The following ITM2C variants were observed in gnomAD, a reference collection of about 807,000 sequenced individuals.
ITM2C encodes BRICHOS domain containing 2C.
Under a neutral mutation model 30.0 loss-of-function variants are expected in ITM2C, and 20 were observed. The ratio of observed to expected loss-of-function variants is 0.67; its 90% confidence interval spans 0.47 to 0.97. ITM2C has a LOEUF of 0.97. Among genes scored for constraint, ITM2C ranks in the 50% least tolerant of loss-of-function variants. The pLI is 0.00. For missense variants in ITM2C, 366 were observed against 371.9 expected, an observed-to-expected ratio of 0.98 and a Z score of 0.13; for synonymous variants, 167 against 156.4, an observed-to-expected ratio of 1.07 and a Z score of -0.51.
In ITM2C at chr2:230,877,013, T is replaced by C; in HGVS notation, c.561+46T>C. ...ATGTCTGCAGCATCCTGTCCCTCCCTTGCCCCCTGTCTCATGGAGGCTAGG... is the reference window on the plus strand; with the variant it reads ...ATGTCTGCAGCATCCTGTCCCTCCCCTGCCCCCTGTCTCATGGAGGCTAGG... On this transcript the variant is annotated intron_variant, in intron 4 of 5. Transcript: ENST00000326427. This position sits in a 1 kb window ranked among gnomAD's most constrained non-coding sequence, Gnocchi z 4.8. The C allele has an allele frequency of 7.7e-7, 1 of 1,299,576 alleles. No individual in the cohort carries two copies. The highest frequency in any genetic ancestry group is 1.1e-6 in the Non-Finnish European group (1 of 896,084). 80.5% of individuals were successfully genotyped at this position (1,299,576 alleles called of 1,614,324 possible).
chr2:230,876,583 A>G (rs10168033), intron 3 of ITM2C, among the ~76,000 whole-genome samples: 2,280 of 152,012 alleles, frequency 0.015, 54 homozygotes, highest in African/African-American at 0.052. Flanking sequence ...CTGGGTTCAC[A>G]CCATTCTCCC....
intron 1 of ITM2C, among the ~76,000 whole-genome samples, chr2:230,869,136 T>C (rs114072909): frequency 0.026 from 3,969 of 152,236 alleles, 181 homozygotes; most frequent in African/African-American, 0.09. Flanking sequence ...CGCCCCACTC[T>C]CTCCAAGTTC....
rs1218512899 is a variant in ITM2C at position 230,865,057 on chromosome 2, C to T, written c.32C>T (p.Ala11Val). The T allele has an allele frequency of 4.6e-6, 7 of 1,527,558 alleles. No homozygotes were observed. The highest frequency in any genetic ancestry group is 3.5e-6 in the Non-Finnish European group (4 of 1,132,362). The allele number at this position is 1,527,558 out of a possible 1,614,324, so 94.6% of individuals were successfully genotyped here. A position where few individuals can be genotyped will look rare whatever the true frequency, so the allele number is the denominator to read the frequency against. Reference protein sequence around the residue: MVKISFQPAVAGIKGDKADKA... With the variant: MVKISFQPAVVGIKGDKADKA... ...AAGATTAGCTTCCAGCCCGCCGTGG[C>T]TGGCATCAAGGGCGACAAGGCTGAC... The change falls in exon 1 of 6, where the codon GCT (alanine) becomes GTT (valine). Residue 11 changes from alanine to valine, a missense_variant. Transcript: ENST00000326427. This position sits in a 1 kb window ranked among gnomAD's most constrained non-coding sequence, Gnocchi z 6.8.
rs199763050 is a variant in ITM2C at position 230,878,148 on chromosome 2, C to T, written c.*49C>T. ...TGCCGTGTTCCTCTTTTCTTCTTTC[C>T]GGCTGCTCTCTGGCCCTCCTCCTTC... On this transcript the variant is annotated 3_prime_UTR_variant, in exon 6 of 6. Coordinates refer to ENST00000326427, the MANE Select transcript of ITM2C (RefSeq NM_030926.6). This position sits in a 1 kb window ranked among gnomAD's most constrained non-coding sequence, Gnocchi z 4.5. 158 of 1,384,052 alleles carry T rather than the reference C, an allele frequency of 1.1e-4. No individual in the cohort carries two copies. The African/African-American group carries it at 1.5e-3, about 13-fold the overall frequency. 85.7% of individuals were successfully genotyped at this position (1,384,052 alleles called of 1,614,324 possible). A position where few individuals can be genotyped will look rare whatever the true frequency, so the allele number is the denominator to read the frequency against.
intron 3 of ITM2C, 59 bp from the exon 4 acceptor site, chr2:230,876,798 C>A (rs1387958635): frequency 5.0e-6 from 6 of 1,198,338 alleles, no homozygotes; most frequent in Middle Eastern, 1.9e-4. Context: ...CTTCTTGCAG[C>A]CCTGCCTGGG....
In ITM2C at chr2:230,878,606, A is replaced by C. The variant is rs1690000409; in HGVS notation, c.*507A>C. On this transcript the variant is annotated 3_prime_UTR_variant, in exon 6 of 6. Transcript: ENST00000326427. The surrounding 1 kb of genome is among the most constrained non-coding windows in gnomAD (Gnocchi z 4.5). ...GAGCTGAGGATGGGACGATGTGCCC[A>C]GGGAGGGACCCACCAGAGCACAAGA... The C allele has an allele frequency of 6.5e-6, 1 of 152,994 alleles. No homozygotes were observed. Among genetic ancestry groups the C allele is most frequent in the Non-Finnish European group, 1.5e-5 (1 of 68,312 alleles). The allele number at this position is 152,994 out of a possible 1,614,324, so 9.5% of individuals were successfully genotyped here.
At chr2:230,873,976 G>A (rs1278979909) in intron 2 of ITM2C, among the ~76,000 whole-genome samples, 1 of 152,208 alleles carries the variant, frequency 6.6e-6, no homozygotes, top group African/African-American at 2.4e-5. Context: ...AGAGGGAGAG[G>A]GGTGGGTACA....
intron 1 of ITM2C, among the ~76,000 whole-genome samples, chr2:230,867,736 T>C (rs1343641681): frequency 6.6e-6 from 1 of 151,968 alleles, no homozygotes; most frequent in Non-Finnish European, 1.5e-5. Flanking sequence ...CTTGGCTCAT[T>C]GCAACCTTCA....
rs1490923697 is a variant in ITM2C, at chr2:230,864,989, CA to C, written c.-36del. Reference sequence around the variant, plus strand: ...GAGGCAGAGACCGAGGCTGCACCGGCAGAGGCTGCGGGGCGGACGCGCGGGC... The same window carrying C: ...GAGGCAGAGACCGAGGCTGCACCGGCGAGGCTGCGGGGCGGACGCGCGGGC... On this transcript the variant is annotated 5_prime_UTR_variant, in exon 1 of 6. Coordinates refer to ENST00000326427, the MANE Select transcript of ITM2C (RefSeq NM_030926.6). This position sits in a 1 kb window ranked among gnomAD's most constrained non-coding sequence, Gnocchi z 4.3. 4.2e-6 allele frequency: 6 copies of C among 1,434,344 alleles called. No individual in the cohort carries two copies. Among genetic ancestry groups the C allele is most frequent in the Admixed American group, 2.4e-5 (1 of 40,920 alleles). 88.9% of individuals were successfully genotyped at this position (1,434,344 alleles called of 1,614,324 possible). A position where few individuals can be genotyped will look rare whatever the true frequency, so the allele number is the denominator to read the frequency against.
Position 230,877,286 on chromosome 2 carries a change from C to T in ITM2C, c.562-114C>T. ...ACAGGCAGGAAGTGCCTGAGGACAT[C>T]AGAAGGGCCAGCCCAGGGGCCTCTG... On this transcript the variant is annotated intron_variant, in intron 4 of 5. Coordinates refer to ENST00000326427, the MANE Select transcript of ITM2C (RefSeq NM_030926.6). This position sits in a 1 kb window ranked among gnomAD's most constrained non-coding sequence, Gnocchi z 4.8. 9.2e-7 allele frequency: 1 copy of T among 1,092,552 alleles called. No individual in the cohort carries two copies. The highest frequency in any genetic ancestry group is 1.3e-6 in the Non-Finnish European group (1 of 747,932). The allele number at this position is 1,092,552 out of a possible 1,614,324, so 67.7% of individuals were successfully genotyped here.
At position 230,878,658 on chromosome 2, in the gene ITM2C, G is replaced by A. The variant is rs1192438694; in HGVS notation, c.*559G>A. 6.5e-6 allele frequency: 1 copy of A among 153,000 alleles called. No individual in the cohort carries two copies. The highest frequency in any genetic ancestry group is 1.5e-5 in the Non-Finnish European group (1 of 68,350). 9.5% of individuals were successfully genotyped at this position (153,000 alleles called of 1,614,324 possible). ...AAGGTGGCTACCTGGGGGTGTCCCA[G>A]GGACTCTGTCAGTGCCTTCAGCCCA... is the stretch of plus-strand genomic sequence containing the variant. On this transcript the variant is annotated 3_prime_UTR_variant, in exon 6 of 6. Coordinates refer to ENST00000326427, the MANE Select transcript of ITM2C (RefSeq NM_030926.6). This position sits in a 1 kb window ranked among gnomAD's most constrained non-coding sequence, Gnocchi z 4.5.
chr2:230,866,906 G>A (rs994332452), intron 1 of ITM2C, among the ~76,000 whole-genome samples: 1 of 152,174 alleles, frequency 6.6e-6, no homozygotes, highest in Non-Finnish European at 1.5e-5. Flanking sequence ...TTCTCCAGCC[G>A]CAGCCTGCTG....
rs1307955860 is a variant in ITM2C, at chr2:230,878,032, A to G, written c.737A>G (p.Asn246Ser). 6.2e-7 allele frequency: 1 copy of G among 1,611,920 alleles called. No homozygotes were observed. Among genetic ancestry groups the G allele is most frequent in the Non-Finnish European group, 8.5e-7 (1 of 1,178,864 alleles). ...RRRINKRGAK[N>S]CNAIRHFENT... Reference sequence around the variant, plus strand: ...GGGATCAACAAGCGTGGGGCCAAGAACTGCAATGCCATCCGCCACTTCGAG... The same window carrying G: ...GGGATCAACAAGCGTGGGGCCAAGAGCTGCAATGCCATCCGCCACTTCGAG... The change falls in exon 6 of 6, where the codon AAC becomes AGC. Residue 246 changes from asparagine (N) to serine (S), a missense_variant. Physicochemically the swap from Asn to Ser is conservative, Grantham distance 46 (BLOSUM62 1). Coordinates refer to ENST00000326427, the MANE Select transcript of ITM2C (RefSeq NM_030926.6). The surrounding 1 kb of genome is among the most constrained non-coding windows in gnomAD (Gnocchi z 4.5).
intron 1 of ITM2C, among the ~76,000 whole-genome samples, chr2:230,873,009 T>C (rs1307997852): frequency 6.6e-6 from 1 of 152,176 alleles, no homozygotes; most frequent in Admixed American, 6.5e-5. Flanking sequence ...CAGAGATTTC[T>C]AAGTCCCTAA....
In ITM2C at chr2:230,866,257, A is replaced by G. The variant is rs146049451; in HGVS notation, c.120+1112A>G. Among the ~76,000 whole-genome samples, 319 of 152,266 alleles carry G rather than the reference A, an allele frequency of 2.1e-3. 1 individual carries two copies. The highest frequency in any genetic ancestry group is 7.4e-3 in the African/African-American group (308 of 41,542). ...CACCCCGCATTGAGGCAGGACTGAGAAAGTCTTTGTCCACTGCTTCCCCAC... is the reference window on the plus strand; with the variant it reads ...CACCCCGCATTGAGGCAGGACTGAGGAAGTCTTTGTCCACTGCTTCCCCAC... On this transcript the variant is annotated intron_variant, in intron 1 of 5. Coordinates refer to ENST00000326427, the MANE Select transcript of ITM2C (RefSeq NM_030926.6).
At chr2:230,869,969 A>G (rs1335056494) in intron 1 of ITM2C, among the ~76,000 whole-genome samples, 1 of 152,250 alleles carries the variant, frequency 6.6e-6, no homozygotes, top group Non-Finnish European at 1.5e-5. Context: ...CCTCACTGTC[A>G]GTAACTGCTT....
intron 3 of ITM2C, among the ~76,000 whole-genome samples, chr2:230,876,593 C>T (rs3111749): frequency 0.059 from 9,012 of 152,176 alleles, 286 homozygotes; most frequent in Middle Eastern, 0.095. Flanking sequence ...ACCATTCTCC[C>T]GCCTCAGCCC....
Position 230,865,063 on chromosome 2 carries a change from T to G in ITM2C, c.38T>G (p.Ile13Ser). ...KISFQPAVAG[I>S]KGDKADKASA... ...AGCTTCCAGCCCGCCGTGGCTGGCA[T>G]CAAGGGCGACAAGGCTGACAAGGCG... The change falls in exon 1 of 6, where the codon ATC becomes AGC. Residue 13 changes from isoleucine to serine, a missense_variant. Transcript: ENST00000326427. This position sits in a 1 kb window ranked among gnomAD's most constrained non-coding sequence, Gnocchi z 6.8. The G allele has an allele frequency of 6.5e-7, 1 of 1,534,220 alleles. No individual in the cohort carries two copies. Among genetic ancestry groups the G allele is most frequent in the Non-Finnish European group, 8.8e-7 (1 of 1,137,206 alleles).
At position 230,865,100 on chromosome 2, in the gene ITM2C, C is replaced by T. The variant is rs1157723364; in HGVS notation, c.75C>T (p.Ala25=). Residue 25 remains alanine (A), a synonymous_variant, in exon 1 of 6, where the codon GCC becomes GCT. Coordinates refer to ENST00000326427, the MANE Select transcript of ITM2C (RefSeq NM_030926.6). This position sits in a 1 kb window ranked among gnomAD's most constrained non-coding sequence, Gnocchi z 6.8. ...GDKADKASAS[A]PAPASATEIL... ...AGGCTGACAAGGCGTCGGCGTCGGCCCCTGCGCCGGCCTCGGCCACCGAGA... is the reference window on the plus strand; with the variant it reads ...AGGCTGACAAGGCGTCGGCGTCGGCTCCTGCGCCGGCCTCGGCCACCGAGA... The T allele has an allele frequency of 4.3e-5, 66 of 1,517,704 alleles. No individual in the cohort carries two copies. The highest frequency in any genetic ancestry group is 5.8e-5 in the Non-Finnish European group (65 of 1,128,546). The allele number at this position is 1,517,704 out of a possible 1,614,324, so 94.0% of individuals were successfully genotyped here. A position where few individuals can be genotyped will look rare whatever the true frequency, so the allele number is the denominator to read the frequency against.
Sources: allele counts gnomAD v4.1 joint callset (sites outside exome capture counted in the v4.1 genomes callset), GRCh38; gene constraint gnomAD v4.1.1; non-coding constraint Gnocchi (gnomAD v3.1); transcripts MANE v1.5; gene names NCBI Gene and HGNC (gene_info 2026-07-23, HGNC 2026-07-21).